Variants in KPNB1 observed in about 807,000 individuals in gnomAD.
KPNB1 encodes the protein importin subunit beta-1.
A neutral mutation model predicts 113.0 loss-of-function variants in KPNB1; 7 were observed. The ratio of observed to expected loss-of-function variants is 0.06; its 90% CI spans 0.04 to 0.12. The LOEUF (loss-of-function observed/expected upper bound fraction) is 0.12. Among genes scored for constraint, KPNB1 ranks in the 10% least tolerant of loss-of-function variants. The pLI, the probability that KPNB1 is intolerant of heterozygous loss-of-function variation, is 1.00. For synonymous variants in KPNB1, 363 were observed against 378.6 expected (o/e 0.96, Z 0.48); for missense variants, 400 against 1,054.8 (o/e 0.38, Z 8.60).
chr17:47,667,722 T>A (rs1216033824), intron 9 of KPNB1, among the ~76,000 whole-genome samples: 1 of 151,870 alleles, frequency 6.6e-6, no homozygotes, highest in Non-Finnish European at 1.5e-5. Context: ...CACACCCAGC[T>A]AATTTTTGTA....
intron 11 of KPNB1, 81 bp from the exon 12 acceptor site, chr17:47,670,621 C>A: frequency 1.4e-6 from 2 of 1,449,300 alleles, no homozygotes; most frequent in Non-Finnish European, 1.9e-6. Context: ...TGACACGGCC[C>A]AAAGTATCTT....
At chr17:47,658,327 A>G (rs138768664) in intron 4 of KPNB1, among the ~76,000 whole-genome samples, 181 bp from the exon 5 acceptor site, 1 of 152,340 alleles carries the variant, frequency 6.6e-6, no homozygotes, top group East Asian at 1.9e-4. Flanking sequence ...GGTATACTGT[A>G]TTAAGGGAAT....
At chr17:47,650,568 TC>T (rs1233876219) in intron 2 of KPNB1, 124 bp downstream of exon 2, 1 of 402,084 alleles carries the variant, frequency 2.5e-6, no homozygotes. Context: ...CCCTCCCCCC[TC>T]CCCCTCCCCC....
intron 20 of KPNB1, 38 bp from the exon 21 acceptor site, chr17:47,680,470 G>C (rs755017931): frequency 6.2e-7 from 1 of 1,610,796 alleles, no homozygotes. Context: ...CTGGTATGGG[G>C]CTAGGAGCTC....
intron 9 of KPNB1, among the ~76,000 whole-genome samples, chr17:47,667,142 G>A (rs185947461): frequency 1.3e-5 from 2 of 150,922 alleles, no homozygotes; most frequent in South Asian, 2.1e-4. Flanking sequence ...GTGGCGTTGG[G>A]GGGTACAGAG....
At chr17:47,666,618 T>TA (rs2030295865) in intron 9 of KPNB1, among the ~76,000 whole-genome samples, 2 of 145,958 alleles carry the variant, frequency 1.4e-5, no homozygotes, top group Admixed American at 7.0e-5. Context: ...ATTTTATATA[T>TA]ATTATATATA....
intron 6 of KPNB1, among the ~76,000 whole-genome samples, chr17:47,662,752 G>A (rs1305458270): frequency 6.6e-6 from 1 of 151,754 alleles, no homozygotes; most frequent in Non-Finnish European, 1.5e-5. Flanking sequence ...GCATGGTGGC[G>A]GGCACCTGTA....
At chr17:47,659,106 T>C (rs1369739452) in intron 5 of KPNB1, among the ~76,000 whole-genome samples, 3 of 152,120 alleles carry the variant, frequency 2.0e-5, no homozygotes, top group Non-Finnish European at 4.4e-5. Flanking sequence ...CCCAGCACTT[T>C]GGGAGGCTGA....
intron 15 of KPNB1, among the ~76,000 whole-genome samples, chr17:47,675,088 G>A (rs2030555389): frequency 6.6e-6 from 1 of 152,162 alleles, no homozygotes; most frequent in African/African-American, 2.4e-5. Flanking sequence ...CAGAGTGCTA[G>A]GATTATAGAT....
At chr17:47,657,867 G>T (rs1296401843) in intron 4 of KPNB1, among the ~76,000 whole-genome samples, 1 of 152,218 alleles carries the variant, frequency 6.6e-6, no homozygotes, top group Non-Finnish European at 1.5e-5. Flanking sequence ...ATGGAAACGG[G>T]TGGGGAAAGA....
intron 12 of KPNB1, among the ~76,000 whole-genome samples, chr17:47,672,682 C>G (rs1375983467): frequency 6.6e-6 from 1 of 152,162 alleles, no homozygotes; most frequent in Non-Finnish European, 1.5e-5. Flanking sequence ...GCCATCACGT[C>G]TAGCCAGGAA....
chr17:47,661,425 C>A (rs2030090784), intron 6 of KPNB1, among the ~76,000 whole-genome samples: 1 of 151,816 alleles, frequency 6.6e-6, no homozygotes, highest in Non-Finnish European at 1.5e-5. Flanking sequence ...CATGGTGAAA[C>A]CCTGTCTCTA....
chr17:47,654,347 G>A (rs769780948), intron 3 of KPNB1, among the ~76,000 whole-genome samples: 8 of 151,520 alleles, frequency 5.3e-5, no homozygotes, highest in South Asian at 4.2e-4. Flanking sequence ...CCTGGGAGGC[G>A]GAGATTGTGG....
Position 47,683,110 on chromosome 17 carries a change from A to AAAAAAAAC in KPNB1, c.*713_*714insCAAAAAAA, listed in dbSNP as rs2030838339. ...AGATGTAAAAAAAAAAAAAAAAAAAAAAAAAAAAACACACACACAGAGGAA... is the reference window on the plus strand; with the variant it reads ...AGATGTAAAAAAAAAAAAAAAAAAAAAAAAAAACAAAAAAAAACACACACACAGAGGAA... On this transcript the variant is annotated 3_prime_UTR_variant, in exon 22 of 22. Transcript: ENST00000290158. 6.8e-6 allele frequency: 1 copy of AAAAAAAAC among 147,348 alleles called. No homozygotes were observed. Among genetic ancestry groups the AAAAAAAAC allele is most frequent in the Non-Finnish European group, 1.5e-5 (1 of 66,842 alleles). The allele number at this position is 147,348 out of a possible 1,614,324, so 9.1% of individuals were successfully genotyped here.
chr17:47,681,686 GTTTTTTTTTTTTT>G (rs59222945), intron 21 of KPNB1, among the ~76,000 whole-genome samples: 2 of 96,034 alleles, frequency 2.1e-5, no homozygotes, highest in African/African-American at 4.3e-5. Context: ...GGAATTATAG[GTTTTTTTTTTTTT>G]TTTTTTTTTT....
At chr17:47,681,747 C>T (rs576235175) in intron 21 of KPNB1, among the ~76,000 whole-genome samples, 8 of 133,042 alleles carry the variant, frequency 6.0e-5, no homozygotes, top group Non-Finnish European at 1.1e-4. Context: ...ACCATGTTGG[C>T]CAGACTGGTC....
At chr17:47,669,152 G>A (rs1252065868) in intron 10 of KPNB1, among the ~76,000 whole-genome samples, 3 of 151,880 alleles carry the variant, frequency 2.0e-5, no homozygotes, top group African/African-American at 7.3e-5. Flanking sequence ...CCATGCTGGA[G>A]TGCTGAAGTG....
rs368066725 is a variant in KPNB1 at position 47,680,688 on chromosome 17, T to C, written c.2630+19T>C. 1 of 1,609,452 alleles carries C rather than the reference T, an allele frequency of 6.2e-7. No individual in the cohort carries two copies. The highest frequency in any genetic ancestry group is 8.5e-7 in the Non-Finnish European group (1 of 1,177,246). ...AAGCTTGGTAAGATCTTGCCTCCAC[T>C]GTCCTCTTTCTTCTACTTCCTGGAG... is the stretch of plus-strand genomic sequence containing the variant. On this transcript the variant is annotated intron_variant, in intron 21 of 21. Coordinates refer to ENST00000290158, the MANE Select transcript of KPNB1 (RefSeq NM_002265.6).
At chr17:47,680,235 C>T (rs925251556) in intron 20 of KPNB1, 101 bp downstream of exon 20, 6 of 860,188 alleles carry the variant, frequency 7.0e-6, no homozygotes, top group South Asian at 3.0e-5. Context: ...GGCAACAGTT[C>T]ACTTTTTTGG....
Sources: gnomAD v4.1 joint callset for allele counts (sites outside exome capture counted in the v4.1 genomes callset) on GRCh38, gnomAD v4.1.1 for gene constraint, MANE v1.5 for transcripts, NCBI Gene and HGNC (gene_info 2026-07-23, HGNC 2026-07-21) for gene names.